CBR4: variants seen among roughly 807,000 people sequenced by gnomAD.
The protein encoded by CBR4 is 3-oxoacyl-[acyl-carrier-protein] reductase.
CBR4 carries 22 observed loss-of-function variants against 21.0 expected under a neutral mutation model. That is an observed-to-expected ratio of 1.05 (90% CI 0.75 to 1.50). CBR4 has a LOEUF of 1.50. CBR4 is among the 40% of genes most tolerant of loss of function. CBR4 has a pLI of 0.00. For synonymous variants in CBR4, 100 were observed against 104.4 expected, an observed-to-expected ratio of 0.96 and a Z score of 0.26; for missense variants, 302 against 286.3, an observed-to-expected ratio of 1.05 and a Z score of -0.40.
intron 4 of CBR4, among the ~76,000 whole-genome samples, chr4:168,992,357 G>C (rs1332611126): frequency 6.6e-6 from 1 of 152,166 alleles, no homozygotes; most frequent in Non-Finnish European, 1.5e-5. Context: ...GGGTGAGAGG[G>C]TGGGACAGAG....
intron 2 of CBR4, chr4:168,896,408 G>C: frequency 1.6e-6 from 1 of 643,970 alleles, no homozygotes; most frequent in Non-Finnish European, 2.8e-6. Flanking sequence ...GAAGCAGAAT[G>C]GTTGTGTGAG....
intron 2 of CBR4, among the ~76,000 whole-genome samples, chr4:168,950,590 A>T (rs577793384): frequency 1.3e-5 from 2 of 152,298 alleles, no homozygotes; most frequent in Admixed American, 1.3e-4. Flanking sequence ...AATGTTCTGT[A>T]TATATCTATT....
At chr4:168,964,687 T>C (rs1305346329) in intron 2 of CBR4, among the ~76,000 whole-genome samples, 2 of 152,216 alleles carry the variant, frequency 1.3e-5, no homozygotes, top group Non-Finnish European at 2.9e-5. Context: ...TCTTGGATGA[T>C]ATGGTATTTG....
intron 2 of CBR4, among the ~76,000 whole-genome samples, chr4:168,951,102 A>C (rs1408715469): frequency 6.6e-6 from 1 of 152,036 alleles, no homozygotes; most frequent in Admixed American, 6.6e-5. Flanking sequence ...CTCTGTCACC[A>C]GGCTGGAGTG....
At chr4:168,928,541 C>T (rs1382093204) in intron 2 of CBR4, 1 of 162,730 alleles carries the variant, frequency 6.1e-6, no homozygotes, top group East Asian at 1.3e-4. Flanking sequence ...ACTCACAGTT[C>T]TGTAAATCAA....
At chr4:168,978,988 C>T (rs2078676243) in intron 2 of CBR4, among the ~76,000 whole-genome samples, 1 of 151,672 alleles carries the variant, frequency 6.6e-6, no homozygotes, top group Admixed American at 6.6e-5. Context: ...ACAGCCCCCA[C>T]CCCAACTGCT....
intron 4 of CBR4, among the ~76,000 whole-genome samples, chr4:168,992,439 C>G (rs1764970349): frequency 6.6e-6 from 1 of 152,112 alleles, no homozygotes; most frequent in South Asian, 2.1e-4. Flanking sequence ...GCCCTGACTT[C>G]CCACTATGAA....
At chr4:168,895,068 GA>G in intron 2 of CBR4, among the ~76,000 whole-genome samples, 1 of 152,224 alleles carries the variant, frequency 6.6e-6, no homozygotes, top group South Asian at 2.1e-4. Flanking sequence ...GAGTTAGGGG[GA>G]CCAACCCCAA....
intron 2 of CBR4, among the ~76,000 whole-genome samples, chr4:168,895,411 C>T (rs550991863): frequency 1.6e-4 from 25 of 152,236 alleles, no homozygotes; most frequent in African/African-American, 4.6e-4. Context: ...AACACATATA[C>T]GACTTTTGAC....
downstream of CBR4, chr4:168,987,570 A>G (rs1027578276): frequency 6.1e-6 from 5 of 813,972 alleles, no homozygotes; most frequent in African/African-American, 5.6e-5. Context: ...GCAGAGAAAG[A>G]TAAAATTAAC....
intron 2 of CBR4, among the ~76,000 whole-genome samples, chr4:168,953,016 G>A (rs1763585934): frequency 6.6e-6 from 1 of 152,186 alleles, no homozygotes; most frequent in South Asian, 2.1e-4. Context: ...TACTAGGGCG[G>A]GTAGAGAAGG....
intron 4 of CBR4, chr4:169,001,679 C>A (rs937579210): frequency 5.2e-5 from 8 of 152,986 alleles, no homozygotes; most frequent in African/African-American, 1.9e-4. Context: ...CACCTCCTCT[C>A]TCTCTTGCTC....
At chr4:168,964,513 C>A (rs2126736090) in intron 2 of CBR4, among the ~76,000 whole-genome samples, 1 of 152,244 alleles carries the variant, frequency 6.6e-6, no homozygotes, top group East Asian at 1.9e-4. Flanking sequence ...GTAAAAATGT[C>A]ATAGAATAGT....
intron 2 of CBR4, among the ~76,000 whole-genome samples, chr4:168,911,534 A>G (rs960084613): frequency 6.6e-6 from 1 of 152,204 alleles, no homozygotes; most frequent in African/African-American, 2.4e-5. Context: ...AAAAAGAATC[A>G]TTAATTTTAA....
At chr4:168,997,418 A>G (rs569314111) in intron 4 of CBR4, among the ~76,000 whole-genome samples, 2 of 152,248 alleles carry the variant, frequency 1.3e-5, no homozygotes, top group Admixed American at 6.5e-5. Flanking sequence ...CTCCTGCCCA[A>G]TGAGGATTTA....
In CBR4 at chr4:168,913,949, G is replaced by A. The variant is rs780692056; in HGVS notation, n.170-19184C>T. On this transcript the variant is annotated intron_variant and non_coding_transcript_variant, in intron 2 of 3. Coordinates refer to the CBR4 transcript ENST00000509108. Reference sequence around the variant, plus strand: ...CAGGGCCGCATCAGTTGTACTGGACGGCTAATGGTACAGGCTGTCAACCAA... The same window carrying A: ...CAGGGCCGCATCAGTTGTACTGGACAGCTAATGGTACAGGCTGTCAACCAA... 44 of 1,612,286 alleles carry A rather than the reference G, an allele frequency of 2.7e-5. No homozygotes were observed. Among genetic ancestry groups the A allele is most frequent in the Middle Eastern group, 3.3e-4 (2 of 6,080 alleles).
intron 2 of CBR4, among the ~76,000 whole-genome samples, chr4:168,961,600 G>GAAAAC (rs1436634490): frequency 6.6e-6 from 1 of 151,876 alleles, no homozygotes; most frequent in African/African-American, 2.4e-5. Context: ...GAAAAGAAAA[G>GAAAAC]AAAAAGAGAC....
chr4:168,971,435 C>A (rs6832633), intron 2 of CBR4, among the ~76,000 whole-genome samples: 78,535 of 115,416 alleles, frequency 0.68, 23,781 homozygotes, highest in East Asian at 0.93. Flanking sequence ...ATGCCCAGCT[C>A]ATTTTTTTTT....
chr4:168,905,537 C>G (rs148689979), intron 2 of CBR4, among the ~76,000 whole-genome samples: 1 of 151,982 alleles, frequency 6.6e-6, no homozygotes, highest in East Asian at 1.9e-4. Flanking sequence ...ATATATTTTT[C>G]TGCAATAATA....
Sources: gnomAD v4.1 joint callset for allele counts (sites outside exome capture counted in the v4.1 genomes callset) on GRCh38, gnomAD v4.1.1 for gene constraint, MANE v1.5 for transcripts, NCBI Gene and HGNC (gene_info 2026-07-23, HGNC 2026-07-21) for gene names.